Variants in MDN1 observed in about 807,000 individuals in gnomAD.
MDN1 encodes midasin AAA ATPase 1.
MDN1 carries 266 observed loss-of-function variants against 669.2 expected under a neutral mutation model. The ratio of observed to expected loss-of-function variants is 0.40; its 90% CI spans 0.36 to 0.44. MDN1 has a LOEUF of 0.44. Ranked by LOEUF, MDN1 falls within the 20% of genes least tolerant of loss-of-function variation. The pLI, the probability that MDN1 is intolerant of heterozygous loss-of-function variation, is 1.00. For synonymous variants in MDN1, 2,385 were observed against 2,457.1 expected (o/e 0.97, Z 0.87); for missense variants, 5,940 against 6,754.0 (o/e 0.88, Z 4.22).
intron 94 of MDN1, 85 bp from the exon 95 acceptor site, chr6:89,652,366 T>C: frequency 3.0e-6 from 3 of 1,011,096 alleles, no homozygotes; most frequent in Non-Finnish European, 4.6e-6. Flanking sequence ...CCCTACAGTA[T>C]GAACTCAAAG....
Position 89,718,525 on chromosome 6 carries a change from C to G in MDN1, c.6424G>C (p.Val2142Leu). ...AAATGACTCCAGGCTCGCAGCACTA[C>G]TTCTGCATCATCAGCACTGATAAGG... ...SLLISADDAE[V>L]VLRAWSHFLL... The change falls in exon 43 of 102, where the codon GTA becomes CTA. Residue 2142 changes from valine to leucine, a missense_variant. This residue lies in a region of MDN1 where 2,292 missense variants were observed against 2,638.3 expected (regional missense o/e 0.87). Coordinates refer to ENST00000369393, the MANE Select transcript of MDN1 (RefSeq NM_014611.3). The G allele has an allele frequency of 3.1e-6, 5 of 1,614,172 alleles. No homozygotes were observed. The highest frequency in any genetic ancestry group is 4.2e-6 in the Non-Finnish European group (5 of 1,180,028).
In MDN1 at chr6:89,758,799, A is replaced by G. The variant is rs758459667; in HGVS notation, c.2605+17T>C. The G allele has an allele frequency of 1.2e-6, 2 of 1,613,650 alleles. No individual in the cohort carries two copies. The highest frequency in any genetic ancestry group is 1.7e-6 in the Non-Finnish European group (2 of 1,179,802). ...GGGCTTGACACCAAGTCAAATCCCA[A>G]GGGATTCAAGTGCTACCTGTGTCTC... On this transcript the variant is annotated intron_variant, in intron 18 of 101. Transcript: ENST00000369393.
chr6:89,690,441 T>A (rs1299693831), intron 64 of MDN1, among the ~76,000 whole-genome samples: 1 of 151,960 alleles, frequency 6.6e-6, no homozygotes, highest in African/African-American at 2.4e-5. Flanking sequence ...TGTGGTAGCA[T>A]GCACATGCAG....
At chr6:89,750,839 G>A (rs944512171) in intron 23 of MDN1, among the ~76,000 whole-genome samples, 3 of 151,962 alleles carry the variant, frequency 2.0e-5, no homozygotes, top group African/African-American at 7.2e-5. Context: ...CTGGGCTCAA[G>A]TGATCCGACC....
chr6:89,653,453 T>C (rs112346349), intron 93 of MDN1, among the ~76,000 whole-genome samples: 41 of 152,352 alleles, frequency 2.7e-4, no homozygotes, highest in African/African-American at 7.5e-4. Context: ...CTTGAAACTA[T>C]ATGCATGTAA....
intron 46 of MDN1, among the ~76,000 whole-genome samples, chr6:89,713,809 G>A (rs1463983532): frequency 2.6e-5 from 4 of 152,074 alleles, no homozygotes; most frequent in African/African-American, 7.2e-5. Context: ...AGCACTTTGG[G>A]AGGCCTAGGT....
In MDN1 at chr6:89,727,881, G is replaced by A; in HGVS notation, c.5424C>T (p.Gly1808=). 6.2e-7 allele frequency: 1 copy of A among 1,613,944 alleles called. No individual in the cohort carries two copies. The highest frequency in any genetic ancestry group is 8.5e-7 in the Non-Finnish European group (1 of 1,179,950). The stretch of plus-strand genomic sequence containing the variant: ...CTGCCTTCAAAGCTGCCAGTAAGGG[G>A]CCATCACGCCAGGCAAACTCTCCTC... The part of the protein sequence containing the change: ...GKGGEFAWRD[G]PLLAALKAGH... Residue 1808 remains glycine, a synonymous_variant, in exon 37 of 102, where the codon GGC becomes GGT. Transcript: ENST00000369393.
chr6:89,692,416 AG>A (rs1159087095), intron 63 of MDN1, 26 bp downstream of exon 63: 2 of 1,575,850 alleles, frequency 1.3e-6, no homozygotes, highest in Admixed American at 3.5e-5. Flanking sequence ...GAGGAAGGGC[AG>A]GGCAGGCCTC....
intron 95 of MDN1, among the ~76,000 whole-genome samples, chr6:89,651,870 T>C (rs72913954): frequency 0.099 from 15,083 of 152,318 alleles, 970 homozygotes; most frequent in South Asian, 0.16. Flanking sequence ...CTAGCTGGCC[T>C]CTTCTTAGGA....
In MDN1 at chr6:89,796,324, C is replaced by CAAAAAAAAAAAA. The variant is rs35169575; in HGVS notation, c.330-1535_330-1524dup. Among the ~76,000 whole-genome samples, 143 of 45,338 alleles carry CAAAAAAAAAAAA rather than the reference C, an allele frequency of 3.2e-3. 5 individuals are homozygous for CAAAAAAAAAAAA. Among genetic ancestry groups the CAAAAAAAAAAAA allele is most frequent in the African/African-American group, 4.1e-3 (28 of 6,834 alleles). The allele number at this position is 45,338 out of a possible 152,430, so 29.7% of individuals were successfully genotyped here. A position where few individuals can be genotyped will look rare whatever the true frequency, so the allele number is the denominator to read the frequency against. On this transcript the variant is annotated intron_variant, in intron 2 of 101. Coordinates refer to ENST00000369393, the MANE Select transcript of MDN1 (RefSeq NM_014611.3). Reference sequence around the variant, plus strand: ...GGGCGACAAGAGCAAAACTCTGTCTCAAAAAAAAAAAAAAAAAAAAAAAAA... The same window carrying CAAAAAAAAAAAA: ...GGGCGACAAGAGCAAAACTCTGTCTCAAAAAAAAAAAAAAAAAAAAAAAAAAAAAAAAAAAAA...
intron 84 of MDN1, among the ~76,000 whole-genome samples, chr6:89,667,299 G>A (rs1204512014): frequency 2.0e-5 from 3 of 151,686 alleles, no homozygotes; most frequent in African/African-American, 7.3e-5. Context: ...AAAAATTAGA[G>A]CTCCATAACA....
rs773527146 is a variant in MDN1, at chr6:89,648,073, G to A, written c.16354C>T (p.Arg5452Cys). Residue 5452 changes from arginine to cysteine, a missense_variant, in exon 99 of 102, where the codon CGT (arginine) becomes TGT (cysteine). Transcript: ENST00000369393. ...TTCTTTTGTTGGAATTTGCAGAGACGTAGAATCTGGGACCCAGAGTAATCA... is the reference window on the plus strand; with the variant it reads ...TTCTTTTGTTGGAATTTGCAGAGACATAGAATCTGGGACCCAGAGTAATCA... ...FSDYSGSQILRLCKFQQKKTK... is the reference protein window; with the variant it reads ...FSDYSGSQILCLCKFQQKKTK... 7 of 1,613,984 alleles carry A rather than the reference G, an allele frequency of 4.3e-6. No individual in the cohort carries two copies. The highest frequency in any genetic ancestry group is 2.2e-5 in the East Asian group (1 of 44,898).
chr6:89,795,468 TGGAGCCTGAAGCCTATTCA>T (rs933844042), intron 2 of MDN1, among the ~76,000 whole-genome samples: 20 of 150,738 alleles, frequency 1.3e-4, no homozygotes, highest in African/African-American at 3.6e-4. Context: ...TGGGGTATGG[TGGAGCCTGAAGCCTATTCA>T]GGAGCCTGAA....
In MDN1 at chr6:89,658,623, C is replaced by T. The variant is rs758001142; in HGVS notation, c.15008G>A (p.Gly5003Asp). ...ATCTCATGATACCTGGGGCTGGAAACCTTGGTCAGCAGGGCCATTCTCTCC... is the reference window on the plus strand; with the variant it reads ...ATCTCATGATACCTGGGGCTGGAAATCTTGGTCAGCAGGGCCATTCTCTCC... ...EGGENGPADQ[G>D]FQPQEEEERE... The change falls in exon 89 of 102, where the codon GGT (glycine) becomes GAT (aspartate). Residue 5003 changes from glycine (G) to aspartate (D), a missense_variant. This residue lies in a region of MDN1 where 2,280 missense variants were observed against 2,576.3 expected (regional missense o/e 0.88). Coordinates refer to ENST00000369393, the MANE Select transcript of MDN1 (RefSeq NM_014611.3). The T allele has an allele frequency of 6.2e-7, 1 of 1,607,044 alleles. No homozygotes were observed. Among genetic ancestry groups the T allele is most frequent in the Admixed American group, 1.7e-5 (1 of 59,730 alleles).
chr6:89,659,096 G>GC (rs1289644271), intron 88 of MDN1, among the ~76,000 whole-genome samples, 179 bp from the exon 89 acceptor site: 1 of 152,224 alleles, frequency 6.6e-6, no homozygotes, highest in South Asian at 2.1e-4. Context: ...AGTTCTACTG[G>GC]CTGGGCACTG....
chr6:89,648,453 C>T (rs1808626118), intron 97 of MDN1, 124 bp from the exon 98 acceptor site: 2 of 822,436 alleles, frequency 2.4e-6, no homozygotes, highest in African/African-American at 1.7e-5. Flanking sequence ...AGAGGAATAA[C>T]ATCAGTAAGG....
chr6:89,737,806 C>A (rs1277536835), intron 33 of MDN1, among the ~76,000 whole-genome samples: 1 of 150,930 alleles, frequency 6.6e-6, no homozygotes, highest in African/African-American at 2.4e-5. Flanking sequence ...TCACTGCAAC[C>A]TCCACTTCCC....
chr6:89,717,368 G>A (rs1356549025), intron 43 of MDN1, among the ~76,000 whole-genome samples: 2 of 152,118 alleles, frequency 1.3e-5, no homozygotes, highest in African/African-American at 2.4e-5. Flanking sequence ...AGGGAGTAAC[G>A]AGGTTTAGAC....
At position 89,790,197 on chromosome 6, in the gene MDN1, G is replaced by A; in HGVS notation, c.1060C>T (p.Leu354Phe). The A allele has an allele frequency of 1.2e-6, 2 of 1,614,168 alleles. No individual in the cohort carries two copies. Among genetic ancestry groups the A allele is most frequent in the Non-Finnish European group, 8.5e-7 (1 of 1,180,026 alleles). ...TGATCTCCAAGCTGGACTTTGAGAA[G>A]CTGAGGAGGCTTTGTTCTACCTGTC... Reference protein sequence around the residue: ...AVTGRTKPPQLLKVQLGDQTD... With the variant: ...AVTGRTKPPQFLKVQLGDQTD... Residue 354 changes from leucine (L) to phenylalanine (F), a missense_variant, in exon 6 of 102, where the codon CTT (leucine) becomes TTT (phenylalanine). Physicochemically the swap from Leu to Phe is conservative, Grantham distance 22. Transcript: ENST00000369393.
Sources: allele counts gnomAD v4.1 joint callset (sites outside exome capture counted in the v4.1 genomes callset), GRCh38; gene constraint gnomAD v4.1.1; regional missense constraint gnomAD v4.1.1; transcripts MANE v1.5; gene names NCBI Gene and HGNC (gene_info 2026-07-23, HGNC 2026-07-21).